ARF3: variants seen among roughly 807,000 people sequenced by gnomAD.
ARF3 encodes ARF GTPase 3.
In ARF3, 5 loss-of-function variants were observed where a neutral mutation model predicts 19.3. That is an observed-to-expected ratio of 0.26 (90% CI 0.14 to 0.54). The LOEUF (loss-of-function observed/expected upper bound fraction) is 0.54, where lower values mean the gene tolerates loss of function less well. ARF3 is among the 20% of genes least tolerant of loss of function. The pLI, the probability that ARF3 is intolerant of heterozygous loss-of-function variation, is 0.95. For missense variants in ARF3, 77 were observed against 234.2 expected (o/e 0.33, Z 4.38); for synonymous variants, 71 against 89.2 (o/e 0.80, Z 1.15).
chr12:48,946,822 T>G (rs980361509), intron 1 of ARF3, among the ~76,000 whole-genome samples: 3 of 152,320 alleles, frequency 2.0e-5, no homozygotes, highest in Admixed American at 6.5e-5. Flanking sequence ...CAGGTGCTTT[T>G]GAGAGTCACA....
chr12:48,936,410 G>A lies in ARF3; in HGVS notation c.*2537C>T, dbSNP rs1192404709. 1 of 152,648 alleles carries A rather than the reference G, an allele frequency of 6.6e-6. No individual in the cohort carries two copies. Among genetic ancestry groups the A allele is most frequent in the Non-Finnish European group, 1.5e-5 (1 of 68,072 alleles). The allele number at this position is 152,648 out of a possible 1,614,324, so 9.5% of individuals were successfully genotyped here. A position where few individuals can be genotyped will look rare whatever the true frequency, so the allele number is the denominator to read the frequency against. On this transcript the variant is annotated 3_prime_UTR_variant, in exon 5 of 5. Transcript: ENST00000256682. ...CAGGAAGCAGAAAGCTGGAATCAGG[G>A]AAAGCATAAAATTAAACCTACCAGA...
At chr12:48,945,904 G>A (rs1645693338) in intron 1 of ARF3, among the ~76,000 whole-genome samples, 1 of 152,152 alleles carries the variant, frequency 6.6e-6, no homozygotes, top group South Asian at 2.1e-4. Flanking sequence ...CCAAGTTCAA[G>A]TGATTCTTGT....
rs904687251 is a variant in ARF3 at position 48,938,244 on chromosome 12, G to A, written c.*703C>T. 2.6e-6 allele frequency: 1 copy of A among 379,640 alleles called. No individual in the cohort carries two copies. The highest frequency in any genetic ancestry group is 1.9e-5 in the South Asian group (1 of 53,438). The allele number at this position is 379,640 out of a possible 1,614,324, so 23.5% of individuals were successfully genotyped here. A position where few individuals can be genotyped will look rare whatever the true frequency, so the allele number is the denominator to read the frequency against. On this transcript the variant is annotated 3_prime_UTR_variant, in exon 5 of 5. Coordinates refer to ENST00000256682, the MANE Select transcript of ARF3 (RefSeq NM_001659.3). ...AATGGTGGTGAAGAATCCATCATCT[G>A]TCCTATCATCCAGAAAAACCTACCT...
Position 48,938,634 on chromosome 12 carries a change from G to A in ARF3, c.*313C>T, listed in dbSNP as rs1043304344. Reference sequence around the variant, plus strand: ...GACAGCAACCACTGCCAAACAAAGAGAATACCCCACTCGACCTCCCGAAAC... The same window carrying A: ...GACAGCAACCACTGCCAAACAAAGAAAATACCCCACTCGACCTCCCGAAAC... On this transcript the variant is annotated 3_prime_UTR_variant, in exon 5 of 5. Coordinates refer to ENST00000256682, the MANE Select transcript of ARF3 (RefSeq NM_001659.3). The A allele has an allele frequency of 4.5e-6, 2 of 443,258 alleles. No homozygotes were observed. Among genetic ancestry groups the A allele is most frequent in the South Asian group, 1.7e-5 (1 of 59,724 alleles). 27.5% of individuals were successfully genotyped at this position (443,258 alleles called of 1,614,324 possible). A position where few individuals can be genotyped will look rare whatever the true frequency, so the allele number is the denominator to read the frequency against.
chr12:48,953,444 T>C (rs1045738843), intron 1 of ARF3, among the ~76,000 whole-genome samples: 1 of 152,158 alleles, frequency 6.6e-6, no homozygotes, highest in Non-Finnish European at 1.5e-5. Context: ...CATAAACCAT[T>C]GCAACAGAGA....
intron 1 of ARF3, chr12:48,953,039 T>C (rs1940496123): frequency 6.6e-6 from 1 of 152,228 alleles, no homozygotes; most frequent in Non-Finnish European, 1.5e-5. Context: ...CTCACTAGAC[T>C]GTGAGCTCTT....
At chr12:48,952,953 C>T (rs1384134360) in intron 1 of ARF3, among the ~76,000 whole-genome samples, 1 of 152,216 alleles carries the variant, frequency 6.6e-6, no homozygotes, top group Non-Finnish European at 1.5e-5. Context: ...AGCCCTTGGG[C>T]CAGCCATCTC....
At position 48,937,685 on chromosome 12, in the gene ARF3, C is replaced by A. The variant is rs1940171058; in HGVS notation, c.*1262G>T. The A allele has an allele frequency of 6.6e-6, 1 of 152,292 alleles. No homozygotes were observed. Among genetic ancestry groups the A allele is most frequent in the African/African-American group, 2.4e-5 (1 of 41,422 alleles). The allele number at this position is 152,292 out of a possible 1,614,324, so 9.4% of individuals were successfully genotyped here. The stretch of plus-strand genomic sequence containing the variant: ...AGAAAATCTTCGTCCTTTAGCATAT[C>A]CTGGACTAGAAAACAAGAGTTGGAG... On this transcript the variant is annotated 3_prime_UTR_variant, in exon 5 of 5. Transcript: ENST00000256682.
At chr12:48,949,745 AT>A (rs990304317) in intron 1 of ARF3, among the ~76,000 whole-genome samples, 1 of 151,020 alleles carries the variant, frequency 6.6e-6, no homozygotes, top group African/African-American at 2.4e-5. Flanking sequence ...AGGTCTTGCT[AT>A]GTTACCCAGG....
chr12:48,946,177 T>C (rs2137585686), intron 1 of ARF3, among the ~76,000 whole-genome samples: 1 of 152,332 alleles, frequency 6.6e-6, no homozygotes. Flanking sequence ...TTTCTTGTCT[T>C]GGTTTTCCCT....
intron 1 of ARF3, among the ~76,000 whole-genome samples, chr12:48,944,557 T>C (rs1592240657): frequency 6.6e-6 from 1 of 152,250 alleles, no homozygotes; most frequent in Non-Finnish European, 1.5e-5. Flanking sequence ...TGTCTACTTA[T>C]TTTGAATCTG....
At position 48,939,579 on chromosome 12, in the gene ARF3, A is replaced by G. The variant is rs1940213880; in HGVS notation, c.384+76T>C. On this transcript the variant is annotated intron_variant, in intron 4 of 4. Coordinates refer to ENST00000256682, the MANE Select transcript of ARF3 (RefSeq NM_001659.3). This position sits in a 1 kb window ranked among gnomAD's most constrained non-coding sequence, Gnocchi z 4.8. Reference sequence around the variant, plus strand: ...AGAGCATACTAAAAGGGTTAACCATATAATAGGCCCAAGAGCCAACAATTT... The same window carrying G: ...AGAGCATACTAAAAGGGTTAACCATGTAATAGGCCCAAGAGCCAACAATTT... The G allele has an allele frequency of 6.9e-6, 11 of 1,601,092 alleles. No homozygotes were observed. Among genetic ancestry groups the G allele is most frequent in the South Asian group, 3.3e-5 (3 of 89,938 alleles).
chr12:48,938,407 G>A lies in ARF3; in HGVS notation c.*540C>T. The A allele has an allele frequency of 2.2e-6, 1 of 454,284 alleles. No individual in the cohort carries two copies. The allele number at this position is 454,284 out of a possible 1,614,324, so 28.1% of individuals were successfully genotyped here. Reference sequence around the variant, plus strand: ...GGGCAGTGTCCTGGCTGCAAGCCCTGAGCTTCACTCCACCCCCTCCCCGCT... The same window carrying A: ...GGGCAGTGTCCTGGCTGCAAGCCCTAAGCTTCACTCCACCCCCTCCCCGCT... On this transcript the variant is annotated 3_prime_UTR_variant, in exon 5 of 5. Transcript: ENST00000256682.
At position 48,953,673 on chromosome 12, in the gene ARF3, G is replaced by A. The variant is rs77822497; in HGVS notation, c.-94+3637C>T. ...TAACATTCTGAGCCATTTCCTTTCT[G>A]GTCCACATGGTGTGGCAGATCCTTT... is the stretch of plus-strand genomic sequence containing the variant. On this transcript the variant is annotated intron_variant, in intron 1 of 4. Coordinates refer to ENST00000256682, the MANE Select transcript of ARF3 (RefSeq NM_001659.3). Among the ~76,000 whole-genome samples, 450 of 152,238 alleles carry A rather than the reference G, an allele frequency of 3.0e-3. 5 individuals carry two copies. Among genetic ancestry groups the A allele is most frequent in the African/African-American group, 0.01 (426 of 41,530 alleles).
At chr12:48,949,256 C>T (rs558396328) in intron 1 of ARF3, among the ~76,000 whole-genome samples, 13 of 152,310 alleles carry the variant, frequency 8.5e-5, no homozygotes, top group South Asian at 2.1e-4. Context: ...GACAGAGTCT[C>T]GCTCTGTCGC....
rs2095669554 is a variant in ARF3, at chr12:48,936,771, A to AG, written c.*2175_*2176insC. The AG allele has an allele frequency of 3.9e-5, 6 of 152,250 alleles. No homozygotes were observed. The highest frequency in any genetic ancestry group is 8.8e-5 in the Non-Finnish European group (6 of 68,066). The allele number at this position is 152,250 out of a possible 1,614,324, so 9.4% of individuals were successfully genotyped here. On this transcript the variant is annotated 3_prime_UTR_variant, in exon 5 of 5. Transcript: ENST00000256682. The stretch of plus-strand genomic sequence containing the variant: ...GGCAAAGTCCTCATGAACCACAAAG[A>AG]TAGAGTGGAAAATCCTAAGTAGGAA...
In ARF3 at chr12:48,948,551, G is replaced by A. The variant is rs533972236; in HGVS notation, c.-93-7363C>T. ...GTACAGGCAAGGTGTGGTAGCTCAC[G>A]CCTGTAATCCCAGCACTTTGGGAGG... On this transcript the variant is annotated intron_variant, in intron 1 of 4. Transcript: ENST00000256682. 1.1e-4 allele frequency among the ~76,000 whole-genome samples: 16 copies of A among 152,128 alleles called. No homozygotes were observed. The East Asian group carries it at 2.7e-3, about 26-fold the overall frequency.
chr12:48,936,807 G>A lies in ARF3; in HGVS notation c.*2140C>T, dbSNP rs1260079372. The A allele has an allele frequency of 1.3e-5, 2 of 152,178 alleles. No homozygotes were observed. The highest frequency in any genetic ancestry group is 4.8e-5 in the African/African-American group (2 of 41,408). 9.4% of individuals were successfully genotyped at this position (152,178 alleles called of 1,614,324 possible). A position where few individuals can be genotyped will look rare whatever the true frequency, so the allele number is the denominator to read the frequency against. On this transcript the variant is annotated 3_prime_UTR_variant, in exon 5 of 5. Coordinates refer to ENST00000256682, the MANE Select transcript of ARF3 (RefSeq NM_001659.3). ...AATCCTAAGTAGGAAAAAATACATG[G>A]AAAAGGGCAAATGAGCAACAGCAGT...
intron 1 of ARF3, among the ~76,000 whole-genome samples, chr12:48,945,258 A>T (rs1264308536): frequency 6.6e-6 from 1 of 151,972 alleles, no homozygotes; most frequent in Non-Finnish European, 1.5e-5. Flanking sequence ...CAGCCTGGCC[A>T]ACATGGTGAA....
Sources: allele counts gnomAD v4.1 joint callset (sites outside exome capture counted in the v4.1 genomes callset), GRCh38; gene constraint gnomAD v4.1.1; non-coding constraint Gnocchi (gnomAD v3.1); transcripts MANE v1.5; gene names NCBI Gene and HGNC (gene_info 2026-07-23, HGNC 2026-07-21).